The following EXOC1 variants were observed in gnomAD, a reference collection of about 807,000 sequenced individuals.
The protein encoded by EXOC1 is exocyst complex component 1, also known as SEC3-like 1.
In EXOC1, 67 loss-of-function variants were observed where a neutral mutation model predicts 107.7. The ratio of observed to expected loss-of-function variants is 0.62; its 90% confidence interval spans 0.51 to 0.76. EXOC1 has a LOEUF of 0.76. Among genes scored for constraint, EXOC1 ranks in the 30% least tolerant of loss-of-function variants. The probability of loss-of-function intolerance (pLI) is 0.00; values close to 1 mark genes in which losing one functional copy is unlikely to be tolerated. For missense variants in EXOC1, 833 were observed against 1,055.7 expected, an observed-to-expected ratio of 0.79 and a Z score of 2.92; for synonymous variants, 348 against 353.5, an observed-to-expected ratio of 0.98 and a Z score of 0.17.
At chr4:55,862,103 G>C (rs1721533480) in intron 3 of EXOC1, among the ~76,000 whole-genome samples, 1 of 152,140 alleles carries the variant, frequency 6.6e-6, no homozygotes, top group Non-Finnish European at 1.5e-5. Context: ...TATTACCATG[G>C]GGAGGGATCA....
intron 4 of EXOC1, among the ~76,000 whole-genome samples, chr4:55,867,940 TG>T (rs1722102183): frequency 1.3e-5 from 2 of 152,194 alleles, no homozygotes; most frequent in African/African-American, 4.8e-5. Flanking sequence ...AAATTGTTTT[TG>T]TGTGTACTGA....
Position 55,878,065 on chromosome 4 carries a change from AG to A in EXOC1, c.1224+1del. ...TDYGKYEGLT[K>X]NYMDYLSRLY... ...TATGGAAAATATGAAGGACTAACAAAGGTATGGATTTGACGTCATTTACTCA... is the reference window on the plus strand; with the variant it reads ...TATGGAAAATATGAAGGACTAACAAAGTATGGATTTGACGTCATTTACTCA... On this transcript the variant is annotated frameshift_variant and splice_region_variant, in exon 9 of 19. Coordinates refer to ENST00000381295, the MANE Select transcript of EXOC1 (RefSeq NM_001024924.2). LOFTEE classifies it high-confidence loss of function. 1 of 1,612,478 alleles carries A rather than the reference AG, an allele frequency of 6.2e-7. No homozygotes were observed. The highest frequency in any genetic ancestry group is 8.5e-7 in the Non-Finnish European group (1 of 1,179,272).
chr4:55,886,230 A>G (rs1723861025), intron 10 of EXOC1, among the ~76,000 whole-genome samples: 1 of 152,082 alleles, frequency 6.6e-6, no homozygotes, highest in African/African-American at 2.4e-5. Context: ...TTCTCTTTAT[A>G]ATATTTTCAA....
chr4:55,879,332 A>C (rs1723175848), intron 9 of EXOC1, among the ~76,000 whole-genome samples: 1 of 152,200 alleles, frequency 6.6e-6, no homozygotes, highest in African/African-American at 2.4e-5. Flanking sequence ...GACTGGGAGA[A>C]GGGCGTGGGA....
Position 55,896,883 on chromosome 4 carries a change from G to A in EXOC1, c.2120G>A (p.Arg707Lys). The A allele has an allele frequency of 6.3e-7, 1 of 1,595,714 alleles. No individual in the cohort carries two copies. The highest frequency in any genetic ancestry group is 8.5e-7 in the Non-Finnish European group (1 of 1,174,710). The change falls in exon 16 of 19, where the codon AGA becomes AAA. Residue 707 changes from arginine to lysine, a missense_variant. Physicochemically the swap from Arg to Lys is conservative, Grantham distance 26. Coordinates refer to ENST00000381295, the MANE Select transcript of EXOC1 (RefSeq NM_001024924.2). ...GATAAAGCATACACCAAACTTATCA[G>A]AGGAGTATTTGTTAATGGTAAGCTT... ...DLDKAYTKLIRGVFVNVEKVA... is the reference protein window; with the variant it reads ...DLDKAYTKLIKGVFVNVEKVA...
chr4:55,901,671 A>G (rs1725938814), intron 17 of EXOC1, among the ~76,000 whole-genome samples: 1 of 152,140 alleles, frequency 6.6e-6, no homozygotes, highest in Non-Finnish European at 1.5e-5. Flanking sequence ...AAATAAAATG[A>G]CAAACTTTTT....
At chr4:55,890,171 T>C (rs947571201) in intron 11 of EXOC1, 52 bp from the exon 12 acceptor site, 115 of 1,564,530 alleles carry the variant, frequency 7.4e-5, no homozygotes, top group Non-Finnish European at 9.2e-5. Context: ...CTTTATACTT[T>C]GGATCATTTA....
chr4:55,877,077 A>G (rs1465605551), intron 8 of EXOC1: 9 of 977,242 alleles, frequency 9.2e-6, no homozygotes, highest in Non-Finnish European at 1.1e-5. Context: ...TTTTGTGTAT[A>G]TAGTACAGTA....
intron 1 of EXOC1, among the ~76,000 whole-genome samples, chr4:55,854,778 C>T (rs966553706): frequency 6.6e-6 from 1 of 152,154 alleles, no homozygotes; most frequent in Non-Finnish European, 1.5e-5. Context: ...AAACGTTGGT[C>T]CCTATTATTC....
At chr4:55,861,383 T>C (rs1436306485) in intron 3 of EXOC1, among the ~76,000 whole-genome samples, 5 of 152,146 alleles carry the variant, frequency 3.3e-5, no homozygotes, top group Non-Finnish European at 7.3e-5. Context: ...ATACATTTAC[T>C]AAAAAGGCAC....
rs1560327104 is a variant in EXOC1, at chr4:55,858,293, TC to T, written c.-10-20del. On this transcript the variant is annotated intron_variant, in intron 1 of 18. Transcript: ENST00000381295. ...AATGATGTTGAGGGTGAGCTTAATA[TC>T]TATACTCCACATTTTTCAGCTGAGA... 1 of 1,583,438 alleles carries T rather than the reference TC, an allele frequency of 6.3e-7. No individual in the cohort carries two copies.
chr4:55,867,225 G>A (rs1402804822), intron 4 of EXOC1, among the ~76,000 whole-genome samples: 1 of 152,142 alleles, frequency 6.6e-6, no homozygotes, highest in Non-Finnish European at 1.5e-5. Context: ...GAATTAAATG[G>A]ACTCGTTGAA....
At chr4:55,879,416 A>C (rs567849922) in intron 9 of EXOC1, among the ~76,000 whole-genome samples, 11 of 152,194 alleles carry the variant, frequency 7.2e-5, no homozygotes, top group South Asian at 2.1e-4. Flanking sequence ...TTGTGCTTGC[A>C]GAGCAGGGAG....
intron 8 of EXOC1, chr4:55,875,789 G>A: frequency 1.0e-6 from 1 of 985,246 alleles, no homozygotes; most frequent in Non-Finnish European, 1.2e-6. Context: ...TTTAGGCCAG[G>A]CGCAGTGGCT....
chr4:55,885,299 A>G (rs1404757112), intron 10 of EXOC1, among the ~76,000 whole-genome samples: 1 of 152,180 alleles, frequency 6.6e-6, no homozygotes, highest in African/African-American at 2.4e-5. Flanking sequence ...TAATCCCAGT[A>G]TCATAATAGT....
chr4:55,894,324 CAAAA>C (rs200900566), intron 15 of EXOC1, among the ~76,000 whole-genome samples: 1 of 80,082 alleles, frequency 1.2e-5, no homozygotes. Flanking sequence ...AAGACTGTGT[CAAAA>C]AAAAAAAAAA....
intron 2 of EXOC1, among the ~76,000 whole-genome samples, chr4:55,859,588 T>A (rs991191993): frequency 6.6e-6 from 1 of 152,126 alleles, no homozygotes; most frequent in Admixed American, 6.5e-5. Flanking sequence ...TTTATTTTTG[T>A]TGGTTTAGTT....
intron 17 of EXOC1, among the ~76,000 whole-genome samples, chr4:55,901,628 C>T (rs1365967130): frequency 1.3e-4 from 20 of 152,046 alleles, no homozygotes; most frequent in Non-Finnish European, 2.9e-4. Flanking sequence ...CATATAAAAG[C>T]AGGTTAACCT....
At chr4:55,855,229 C>G (rs932857125) in intron 1 of EXOC1, among the ~76,000 whole-genome samples, 1 of 152,058 alleles carries the variant, frequency 6.6e-6, no homozygotes, top group Non-Finnish European at 1.5e-5. Context: ...CAAAGAGAAC[C>G]AGATTTTGTA....
Sources: allele counts gnomAD v4.1 joint callset (sites outside exome capture counted in the v4.1 genomes callset), GRCh38; gene constraint gnomAD v4.1.1; transcripts MANE v1.5; gene names NCBI Gene and HGNC (gene_info 2026-07-23, HGNC 2026-07-21).